Variants in ARF1 observed in about 807,000 individuals in gnomAD.
ARF1 encodes the protein ARF GTPase 1, also known as ADP-ribosylation factor 1.
ARF1 carries 1 observed loss-of-function variant against 18.0 expected under a neutral mutation model. The ratio of observed to expected loss-of-function variants is 0.06; its 90% confidence interval spans 0.02 to 0.26. ARF1 has a LOEUF of 0.26. ARF1 is among the 10% of genes least tolerant of loss of function. The pLI is 1.00. For synonymous variants in ARF1, 112 were observed against 96.3 expected (o/e 1.16, Z -0.95); for missense variants, 73 against 247.2 (o/e 0.30, Z 4.73).
intron 1 of ARF1, chr1:228,087,994 C>G (rs2032461284): frequency 6.6e-6 from 1 of 152,214 alleles, no homozygotes; most frequent in Non-Finnish European, 1.5e-5. Context: ...CCATTGTTTT[C>G]TCCTCTCCTT....
rs958079512 is a variant in ARF1, at chr1:228,089,469, C to G, written c.-38+6704C>G. ...AGCTGGGGGAAACCTGGTGATGGTT[C>G]CCACTCCCATTGTTGCACTTCGCTT... On this transcript the variant is annotated intron_variant, in intron 1 of 4. Coordinates refer to ENST00000272102, the MANE Select transcript of ARF1 (RefSeq NM_001658.4). This position sits in a 1 kb window ranked among gnomAD's most constrained non-coding sequence, Gnocchi z 4.1. 1.3e-5 allele frequency among the ~76,000 whole-genome samples: 2 copies of G among 152,184 alleles called. No individual in the cohort carries two copies. Among genetic ancestry groups the G allele is most frequent in the African/African-American group, 4.8e-5 (2 of 41,438 alleles).
chr1:228,096,126 A>T (rs1479620822), intron 1 of ARF1, among the ~76,000 whole-genome samples: 1 of 152,204 alleles, frequency 6.6e-6, no homozygotes, highest in African/African-American at 2.4e-5. Context: ...TCCTTGCCGT[A>T]GCGTGCTGGG....
chr1:228,096,534 C>T (rs1358792182), intron 1 of ARF1: 1 of 152,594 alleles, frequency 6.6e-6, no homozygotes, highest in Non-Finnish European at 1.5e-5. Flanking sequence ...ATTGCTGTCC[C>T]CGATATTTGT....
At chr1:228,085,849 T>C (rs1329469752) in intron 1 of ARF1, among the ~76,000 whole-genome samples, 1 of 152,226 alleles carries the variant, frequency 6.6e-6, no homozygotes, top group Non-Finnish European at 1.5e-5. Context: ...TAGAAGTCTA[T>C]AGTTGTGGAT....
intron 1 of ARF1, among the ~76,000 whole-genome samples, chr1:228,088,531 T>A (rs537648948): frequency 1.9e-4 from 29 of 152,044 alleles, no homozygotes; most frequent in South Asian, 1.7e-3. Context: ...GAAAAAAAAA[T>A]TTTTGTGCAT....
At chr1:228,094,875 G>A (rs942260595) in intron 1 of ARF1, among the ~76,000 whole-genome samples, 1 of 152,154 alleles carries the variant, frequency 6.6e-6, no homozygotes, top group African/African-American at 2.4e-5. Context: ...TGTGCATTCT[G>A]GAGTCCACCT....
At chr1:228,096,804 A>G (rs1054042826) in intron 1 of ARF1, among the ~76,000 whole-genome samples, 1 of 152,242 alleles carries the variant, frequency 6.6e-6, no homozygotes, top group African/African-American at 2.4e-5. Flanking sequence ...CCCCTCCTGC[A>G]TAGGCTGGGA....
At position 228,089,369 on chromosome 1, in the gene ARF1, G is replaced by T. The variant is rs1450663608; in HGVS notation, c.-38+6604G>T. On this transcript the variant is annotated intron_variant, in intron 1 of 4. Transcript: ENST00000272102. This position sits in a 1 kb window ranked among gnomAD's most constrained non-coding sequence, Gnocchi z 4.1. ...AGGGCGGTGGCCTCCCAGGGTCTGT[G>T]GGGGGGCATCCCCGTCTCTTTACAT... Among the ~76,000 whole-genome samples the T allele has an allele frequency of 6.6e-6, 1 of 152,094 alleles. No individual in the cohort carries two copies. The highest frequency in any genetic ancestry group is 2.4e-5 in the African/African-American group (1 of 41,414).
intron 1 of ARF1, among the ~76,000 whole-genome samples, chr1:228,093,500 A>G (rs991640522): frequency 6.6e-6 from 1 of 151,954 alleles, no homozygotes; most frequent in Non-Finnish European, 1.5e-5. Context: ...TGTCGGTAGG[A>G]GAGACCAAGC....
Position 228,097,907 on chromosome 1 carries a change from C to T in ARF1, c.440C>T (p.Ser147Leu), listed in dbSNP as rs1409697252. 1 of 1,614,178 alleles carries T rather than the reference C, an allele frequency of 6.2e-7. No individual in the cohort carries two copies. Among genetic ancestry groups the T allele is most frequent in the Non-Finnish European group, 8.5e-7 (1 of 1,180,026 alleles). ...ATCACAGACAAGCTGGGGCTGCACT[C>T]ACTACGCCACAGGAACTGGTACATT... ...AEITDKLGLH[S>L]LRHRNWYIQA... is the part of the protein sequence containing the mutation. The change falls in exon 5 of 5, where the codon TCA becomes TTA. Residue 147 changes from serine to leucine, a missense_variant. Around this residue, in one of 3 missense-constraint regions of ARF1, gnomAD observed 48 missense variants for 144.7 expected, o/e 0.33. Transcript: ENST00000272102. This position sits in a 1 kb window ranked among gnomAD's most constrained non-coding sequence, Gnocchi z 8.1.
At chr1:228,095,440 G>A (rs888969594) in intron 1 of ARF1, among the ~76,000 whole-genome samples, 2 of 152,202 alleles carry the variant, frequency 1.3e-5, no homozygotes, top group African/African-American at 4.8e-5. Context: ...GACCAAGCTT[G>A]TCCAACCCTT....
intron 1 of ARF1, among the ~76,000 whole-genome samples, chr1:228,085,634 C>T (rs1300600478): frequency 6.6e-6 from 1 of 152,150 alleles, no homozygotes; most frequent in Non-Finnish European, 1.5e-5. Context: ...TCTTACAGGC[C>T]CTGATAACAG....
In ARF1 at chr1:228,097,735, T is replaced by C. The variant is rs2124858136; in HGVS notation, c.384+20T>C. On this transcript the variant is annotated intron_variant, in intron 4 of 4. Transcript: ENST00000272102. The surrounding 1 kb of genome is among the most constrained non-coding windows in gnomAD (Gnocchi z 8.1). ...AAGCAGGTAGGCGCCCGGGCCAGCC[T>C]GGGGAATGTGAGGAGCCAGTGTGGG... 6.3e-7 allele frequency: 1 copy of C among 1,597,406 alleles called. No individual in the cohort carries two copies. Among genetic ancestry groups the C allele is most frequent in the Non-Finnish European group, 8.5e-7 (1 of 1,170,846 alleles).
chr1:228,088,938 A>G (rs2032487035), intron 1 of ARF1, among the ~76,000 whole-genome samples: 2 of 152,274 alleles, frequency 1.3e-5, no homozygotes, highest in African/African-American at 4.8e-5. Flanking sequence ...AGCCTATTGC[A>G]AGGACCTGAT....
intron 1 of ARF1, among the ~76,000 whole-genome samples, chr1:228,084,914 G>A (rs2032345503): frequency 6.6e-6 from 1 of 152,220 alleles, no homozygotes; most frequent in Non-Finnish European, 1.5e-5. Context: ...GCTCCACCAA[G>A]CTTTCCTACA....
In ARF1 at chr1:228,098,029, C is replaced by T; in HGVS notation, c.*16C>T. 6.2e-7 allele frequency: 1 copy of T among 1,601,910 alleles called. No homozygotes were observed. The highest frequency in any genetic ancestry group is 8.5e-7 in the Non-Finnish European group (1 of 1,171,988). On this transcript the variant is annotated 3_prime_UTR_variant, in exon 5 of 5. Coordinates refer to ENST00000272102, the MANE Select transcript of ARF1 (RefSeq NM_001658.4). Reference sequence around the variant, plus strand: ...CCAGAAGTGAACGCGACCCCCCTCCCTCTCACTCCTCTTGCCCTCTGCTTT... The same window carrying T: ...CCAGAAGTGAACGCGACCCCCCTCCTTCTCACTCCTCTTGCCCTCTGCTTT...
rs766823051 is a variant in ARF1 at position 228,089,426 on chromosome 1, AGGTGGTGCTC to A, written c.-38+6663_-38+6672del. Among the ~76,000 whole-genome samples, 2 of 152,136 alleles carry A rather than the reference AGGTGGTGCTC, an allele frequency of 1.3e-5. No individual in the cohort carries two copies. The highest frequency in any genetic ancestry group is 1.5e-5 in the Non-Finnish European group (1 of 68,020). Reference sequence around the variant, plus strand: ...CTGACCAGAGTGGGGTGGGGTGGCAAGGTGGTGCTCGTCCCAAAGCTGGGGGAAACCTGGT... The same window carrying A: ...CTGACCAGAGTGGGGTGGGGTGGCAAGTCCCAAAGCTGGGGGAAACCTGGT... On this transcript the variant is annotated intron_variant, in intron 1 of 4. Transcript: ENST00000272102. The surrounding 1 kb of genome is among the most constrained non-coding windows in gnomAD (Gnocchi z 4.1).
chr1:228,098,642 A>G lies in ARF1; in HGVS notation c.*629A>G, dbSNP rs2032843815. ...GTCCTTGGGTCACCCTGCATTCCAT[A>G]GCCATGTGCTTGTCCCTGTGCTCCC... On this transcript the variant is annotated 3_prime_UTR_variant, in exon 5 of 5. Coordinates refer to ENST00000272102, the MANE Select transcript of ARF1 (RefSeq NM_001658.4). 1 of 152,648 alleles carries G rather than the reference A, an allele frequency of 6.6e-6. No individual in the cohort carries two copies. The highest frequency in any genetic ancestry group is 1.5e-5 in the Non-Finnish European group (1 of 68,056). 9.5% of individuals were successfully genotyped at this position (152,648 alleles called of 1,614,324 possible).
In ARF1 at chr1:228,098,384, T is replaced by C. The variant is rs189047528; in HGVS notation, c.*371T>C. Reference sequence around the variant, plus strand: ...GGCTTTAGAGCTGTGTTGAAATCCATTTTGGTGGTTGGTTTTTAACCCAAA... The same window carrying C: ...GGCTTTAGAGCTGTGTTGAAATCCACTTTGGTGGTTGGTTTTTAACCCAAA... On this transcript the variant is annotated 3_prime_UTR_variant, in exon 5 of 5. Transcript: ENST00000272102. 5.5e-4 allele frequency: 93 copies of C among 168,286 alleles called. No individual in the cohort carries two copies. The East Asian group carries it at 0.012, about 21-fold the overall frequency. 10.4% of individuals were successfully genotyped at this position (168,286 alleles called of 1,614,324 possible). A position where few individuals can be genotyped will look rare whatever the true frequency, so the allele number is the denominator to read the frequency against.
Sources: gnomAD v4.1 joint callset for allele counts (sites outside exome capture counted in the v4.1 genomes callset) on GRCh38, gnomAD v4.1.1 for gene constraint, gnomAD v4.1.1 regional missense constraint, Gnocchi (gnomAD v3.1) non-coding constraint, MANE v1.5 for transcripts, NCBI Gene and HGNC (gene_info 2026-07-23, HGNC 2026-07-21) for gene names.